FAT3: variants seen among roughly 807,000 people sequenced by gnomAD.
The protein encoded by FAT3 is FAT atypical cadherin 3, also known as protocadherin Fat 3.
In FAT3, 95 loss-of-function variants were observed where a neutral mutation model predicts 310.2. The observed-to-expected ratio is 0.31, with a 90% CI of 0.26 to 0.36. The LOEUF (loss-of-function observed/expected upper bound fraction) is 0.36, where lower values mean the gene tolerates loss of function less well. Among genes scored for constraint, FAT3 ranks in the 10% least tolerant of loss-of-function variants. FAT3 has a pLI of 1.00. For missense variants in FAT3, 5,408 were observed against 5,715.6 expected (o/e 0.95, Z 1.74); for synonymous variants, 2,314 against 2,192.9 (o/e 1.06, Z -1.54).
At chr11:92,360,841 C>A (rs1202946541) in intron 2 of FAT3, among the ~76,000 whole-genome samples, 1 of 152,170 alleles carries the variant, frequency 6.6e-6, no homozygotes, top group Non-Finnish European at 1.5e-5. Flanking sequence ...GTAGGGATCA[C>A]TGAGGCTTGC....
At chr11:92,316,815 CTATT>C (rs1947475226) in intron 1 of FAT3, among the ~76,000 whole-genome samples, 1 of 152,164 alleles carries the variant, frequency 6.6e-6, no homozygotes, top group Non-Finnish European at 1.5e-5. Flanking sequence ...GCTCAGTAAA[CTATT>C]TAATAGCCAC....
intron 1 of FAT3, among the ~76,000 whole-genome samples, chr11:92,267,054 A>T (rs1029115219): frequency 1.3e-5 from 2 of 152,106 alleles, no homozygotes; most frequent in African/African-American, 2.4e-5. Flanking sequence ...CCTGCCTGAC[A>T]CTGCCTTGCC....
intron 9 of FAT3, among the ~76,000 whole-genome samples, chr11:92,796,285 A>G (rs562421834): frequency 1.3e-5 from 2 of 152,354 alleles, no homozygotes; most frequent in African/African-American, 4.8e-5. Flanking sequence ...GGCCATGTTT[A>G]GGTGGCAAAG....
chr11:92,668,650 C>T (rs1423832932), intron 3 of FAT3, among the ~76,000 whole-genome samples: 1 of 152,186 alleles, frequency 6.6e-6, no homozygotes, highest in Non-Finnish European at 1.5e-5. Flanking sequence ...TAATACCTTC[C>T]TGCAGGACCT....
chr11:92,361,289 A>G (rs1377298366), intron 2 of FAT3, among the ~76,000 whole-genome samples: 1 of 152,194 alleles, frequency 6.6e-6, no homozygotes, highest in East Asian at 1.9e-4. Context: ...TGGCCAAAGC[A>G]GGTCATGGGG....
At chr11:92,600,400 G>A (rs959721584) in intron 3 of FAT3, among the ~76,000 whole-genome samples, 22 of 152,244 alleles carry the variant, frequency 1.4e-4, no homozygotes, top group Non-Finnish European at 2.6e-4. Flanking sequence ...GAAGACTTAC[G>A]TTTCTACAAA....
intron 4 of FAT3, among the ~76,000 whole-genome samples, chr11:92,738,762 A>G (rs1180889256): frequency 6.6e-6 from 1 of 152,188 alleles, no homozygotes; most frequent in South Asian, 2.1e-4. Flanking sequence ...TGAGTCTTGT[A>G]TGGCTATGCT....
chr11:92,310,504 T>C (rs951296996), intron 1 of FAT3, among the ~76,000 whole-genome samples: 3 of 152,194 alleles, frequency 2.0e-5, no homozygotes, highest in Non-Finnish European at 2.9e-5. Context: ...ATCTTAGTAG[T>C]AAGTACTTAG....
In FAT3 at chr11:92,285,648, A is replaced by T. The variant is rs77221949; in HGVS notation, c.-18+60474A>T. On this transcript the variant is annotated intron_variant, in intron 1 of 27. Coordinates refer to ENST00000525166, the MANE Select transcript of FAT3 (RefSeq NM_001367949.2). ...ATGAAATAATCTTAACCAACTTCTA[A>T]TGTATTCCCTTTATGCTTAGGAAAA... Among the ~76,000 whole-genome samples the T allele has an allele frequency of 2.0e-4, 30 of 152,272 alleles. No individual in the cohort carries two copies. The East Asian group carries it at 5.8e-3, about 29-fold the overall frequency.
chr11:92,240,683 G>A (rs1864639183), intron 1 of FAT3, among the ~76,000 whole-genome samples: 1 of 151,870 alleles, frequency 6.6e-6, no homozygotes. Flanking sequence ...TACATTTTGA[G>A]TGAGTTTGGC....
intron 1 of FAT3, among the ~76,000 whole-genome samples, chr11:92,347,291 T>G (rs536696166): frequency 1.4e-4 from 21 of 152,324 alleles, no homozygotes; most frequent in African/African-American, 5.1e-4. Flanking sequence ...GTCACCTTCC[T>G]CAAGGACTCC....
intron 1 of FAT3, among the ~76,000 whole-genome samples, chr11:92,278,813 G>A (rs976612150): frequency 6.6e-6 from 1 of 152,156 alleles, no homozygotes; most frequent in African/African-American, 2.4e-5. Flanking sequence ...AAGGTATGGA[G>A]CTAGAGGGAG....
At chr11:92,791,554 T>G (rs1008288068) in intron 8 of FAT3, among the ~76,000 whole-genome samples, 10 of 152,256 alleles carry the variant, frequency 6.6e-5, no homozygotes, top group African/African-American at 2.4e-4. Context: ...CTCTACCATT[T>G]ATCACTTACA....
intron 2 of FAT3, among the ~76,000 whole-genome samples, chr11:92,387,638 C>T (rs1432066402): frequency 6.6e-6 from 1 of 152,108 alleles, no homozygotes; most frequent in Non-Finnish European, 1.5e-5. Flanking sequence ...TGATGCTTCT[C>T]AAGTTTCTGG....
At position 92,853,683 on chromosome 11, in the gene FAT3, A is replaced by G. The variant is rs147052252; in HGVS notation, c.11366-3531A>G. ...CCCTTACTGCAGGCAGGTTGTCCCA[A>G]GGAGTATCCAGCTCTCAGCAGAAAG... On this transcript the variant is annotated intron_variant, in intron 19 of 27. Coordinates refer to ENST00000525166, the MANE Select transcript of FAT3 (RefSeq NM_001367949.2). Among the ~76,000 whole-genome samples the G allele has an allele frequency of 2.9e-3, 438 of 152,260 alleles. 2 individuals are homozygous for G. The highest frequency in any genetic ancestry group is 9.7e-3 in the African/African-American group (404 of 41,556).
chr11:92,378,341 C>T (rs975006003), intron 2 of FAT3, among the ~76,000 whole-genome samples: 4 of 152,092 alleles, frequency 2.6e-5, no homozygotes, highest in African/African-American at 9.7e-5. Flanking sequence ...TTCTATTATC[C>T]AGGAGACTTT....
In FAT3 at chr11:92,483,190, T is replaced by G. The variant is rs531976847; in HGVS notation, c.3293-41444T>G. Among the ~76,000 whole-genome samples, 3 of 152,336 alleles carry G rather than the reference T, an allele frequency of 2.0e-5. No individual in the cohort carries two copies. The East Asian group carries it at 5.8e-4, about 29-fold the overall frequency. ...TAGAGTGTACAGGTAACACAGTATT[T>G]GCACAGGCCCTGGGCAATCTGGAAG... is the stretch of plus-strand genomic sequence containing the variant. On this transcript the variant is annotated intron_variant, in intron 2 of 27. Transcript: ENST00000525166.
chr11:92,352,259 T>C lies in FAT3; in HGVS notation c.147T>C (p.Asn49=). 3 of 1,423,876 alleles carry C rather than the reference T, an allele frequency of 2.1e-6. No individual in the cohort carries two copies. Among genetic ancestry groups the C allele is most frequent in the Non-Finnish European group, 2.8e-6 (3 of 1,059,500 alleles). 88.2% of individuals were successfully genotyped at this position (1,423,876 alleles called of 1,614,324 possible). A position where few individuals can be genotyped will look rare whatever the true frequency, so the allele number is the denominator to read the frequency against. The part of the protein sequence containing the change: ...LGFHFTHSIY[N]ATVYENSAAR... ...TCCACTTCACACATTCCATTTATAA[T>C]GCTACCGTGTATGAGAACTCAGCAG... is the stretch of plus-strand genomic sequence containing the variant. Residue 49 remains asparagine (N), a synonymous_variant, in exon 2 of 28, where the codon AAT becomes AAC. Coordinates refer to ENST00000525166, the MANE Select transcript of FAT3 (RefSeq NM_001367949.2).
chr11:92,399,254 C>T (rs1224859797), intron 2 of FAT3, among the ~76,000 whole-genome samples: 1 of 152,172 alleles, frequency 6.6e-6, no homozygotes, highest in Admixed American at 6.6e-5. Context: ...CATCATGTTT[C>T]TTGCATAAAG....
Sources: gnomAD v4.1 joint callset for allele counts (sites outside exome capture counted in the v4.1 genomes callset) on GRCh38, gnomAD v4.1.1 for gene constraint, MANE v1.5 for transcripts, NCBI Gene and HGNC (gene_info 2026-07-23, HGNC 2026-07-21) for gene names.